Variants in FBXO46 observed in about 807,000 individuals in gnomAD.
FBXO46 encodes F-box protein 46, also known as F-box only protein 46.
A neutral mutation model predicts 30.7 loss-of-function variants in FBXO46; 13 were observed. The observed-to-expected ratio is 0.42, with a 90% CI of 0.28 to 0.67. The LOEUF is 0.67. Among genes scored for constraint, FBXO46 ranks in the 30% least tolerant of loss-of-function variants. FBXO46 has a pLI of 0.21. For synonymous variants in FBXO46, 467 were observed against 385.8 expected (o/e 1.21, Z -2.47); for missense variants, 754 against 871.5 (o/e 0.87, Z 1.70).
intron 1 of FBXO46, among the ~76,000 whole-genome samples, chr19:45,724,025 G>A (rs1165891333): frequency 6.6e-6 from 1 of 152,092 alleles, no homozygotes. Flanking sequence ...ACATGTCACA[G>A]GTTTTGAAAT....
intron 1 of FBXO46, among the ~76,000 whole-genome samples, chr19:45,729,135 A>C (rs760383577): frequency 5.9e-5 from 9 of 151,438 alleles, no homozygotes; most frequent in Non-Finnish European, 1.0e-4. Context: ...AAAACCATAA[A>C]AATAAATATA....
intron 1 of FBXO46, among the ~76,000 whole-genome samples, chr19:45,722,922 C>T (rs1968193284): frequency 6.6e-6 from 1 of 152,022 alleles, no homozygotes; most frequent in Admixed American, 6.6e-5. Context: ...GGCATAGTGA[C>T]AGGCGCCTAT....
upstream of FBXO46, among the ~76,000 whole-genome samples, chr19:45,732,295 A>C (rs1360148138): frequency 3.3e-5 from 5 of 152,076 alleles, no homozygotes; most frequent in Non-Finnish European, 5.9e-5. Flanking sequence ...CAAATTTATA[A>C]GGCAGAAAGA....
Position 45,712,541 on chromosome 19 carries a change from G to T in FBXO46, c.955C>A (p.Leu319Ile). 6.3e-7 allele frequency: 1 copy of T among 1,599,464 alleles called. No homozygotes were observed. Among genetic ancestry groups the T allele is most frequent in the Admixed American group, 1.7e-5 (1 of 58,482 alleles). Reference protein sequence around the residue: ...YQLISPSRDALPSNVEFLLAR... With the variant: ...YQLISPSRDAIPSNVEFLLAR... The stretch of plus-strand genomic sequence containing the variant: ...AGCAGGAACTCCACGTTGCTGGGGA[G>T]GGCATCCCGCGAGGGGCTGATGAGC... The change falls in exon 2 of 2, where the codon CTC becomes ATC. Residue 319 changes from leucine (L) to isoleucine (I), a missense_variant. Leu to Ile is a conservative substitution (Grantham distance 5, BLOSUM62 2). Around this residue, in one of 5 missense-constraint regions of FBXO46, gnomAD observed 454 missense variants for 426.5 expected, o/e 1.06. Transcript: ENST00000317683. The surrounding 1 kb of genome is among the most constrained non-coding windows in gnomAD (Gnocchi z 8.8).
At chr19:45,723,124 G>GCA (rs1283382934) in intron 1 of FBXO46, among the ~76,000 whole-genome samples, 1 of 152,106 alleles carries the variant, frequency 6.6e-6, no homozygotes, top group Middle Eastern at 3.2e-3. Flanking sequence ...CTTAATCCCA[G>GCA]CACTTTGGGG....
In FBXO46 at chr19:45,712,432, G is replaced by A. The variant is rs1159988033; in HGVS notation, c.1064C>T (p.Pro355Leu). 1.2e-6 allele frequency: 2 copies of A among 1,610,394 alleles called. No homozygotes were observed. The highest frequency in any genetic ancestry group is 1.3e-5 in the African/African-American group (1 of 74,932). ...EDTPPAPPPP[P>L]ARDCGASGFH... ...GCCTGACGCTCCGCAGTCCCGGGCA[G>A]GGGGCGGAGGGGGCGCCGGGGGAGT... The change falls in exon 2 of 2, where the codon CCT becomes CTT. Residue 355 changes from proline (P) to leucine (L), a missense_variant. Around this residue, in one of 5 missense-constraint regions of FBXO46, gnomAD observed 454 missense variants for 426.5 expected, o/e 1.06. Transcript: ENST00000317683. This position sits in a 1 kb window ranked among gnomAD's most constrained non-coding sequence, Gnocchi z 8.8.
intron 1 of FBXO46, among the ~76,000 whole-genome samples, chr19:45,721,259 C>A (rs951819638): frequency 1.3e-5 from 2 of 149,536 alleles, no homozygotes; most frequent in Non-Finnish European, 3.0e-5. Context: ...GTGGGAGGAT[C>A]GCTTGAGCCC....
chr19:45,712,173 C>T lies in FBXO46; in HGVS notation c.1323G>A (p.Ala441=), dbSNP rs368643066. 20 of 1,599,094 alleles carry T rather than the reference C, an allele frequency of 1.3e-5. No homozygotes were observed. Among genetic ancestry groups the T allele is most frequent in the East Asian group, 2.3e-5 (1 of 44,228 alleles). Reference sequence around the variant, plus strand: ...GGTACAAGCGGCACAGGGAGGTGTCCGCCGTGCCCTCGGCATCGTCTGGGC... The same window carrying T: ...GGTACAAGCGGCACAGGGAGGTGTCTGCCGTGCCCTCGGCATCGTCTGGGC... ...APGPDDAEGT[A]DTSLCRLYRH... The change falls in exon 2 of 2, where the codon GCG becomes GCA. Residue 441 remains alanine, a synonymous_variant. Transcript: ENST00000317683. This position sits in a 1 kb window ranked among gnomAD's most constrained non-coding sequence, Gnocchi z 8.8.
At chr19:45,715,697 C>T (rs554640723) in intron 1 of FBXO46, 1 of 150,382 alleles carries the variant, frequency 6.6e-6, no homozygotes, top group East Asian at 2.0e-4. Context: ...GTCCCATCTA[C>T]TCAGGAGGCT....
In FBXO46 at chr19:45,713,903, G is replaced by A. The variant is rs1968044709; in HGVS notation, c.-78-330C>T. Among the ~76,000 whole-genome samples, 1 of 150,330 alleles carries A rather than the reference G, an allele frequency of 6.7e-6. No individual in the cohort carries two copies. The highest frequency in any genetic ancestry group is 2.1e-4 in the South Asian group (1 of 4,750). ...GAATCGCTTGAACCTGGGAGGTGGA[G>A]GTTGCAGCGAGACCAGATGGCACCA... On this transcript the variant is annotated intron_variant, in intron 1 of 1. Coordinates refer to ENST00000317683, the MANE Select transcript of FBXO46 (RefSeq NM_001080469.2). The surrounding 1 kb of genome is among the most constrained non-coding windows in gnomAD (Gnocchi z 4.7).
At chr19:45,715,315 G>A (rs994491123) in intron 1 of FBXO46, 2 of 152,196 alleles carry the variant, frequency 1.3e-5, no homozygotes, top group African/African-American at 4.8e-5. Context: ...TGGCCCAGAA[G>A]CCTAATCCAG....
intron 1 of FBXO46, among the ~76,000 whole-genome samples, chr19:45,729,554 G>A (rs1968281837): frequency 6.6e-6 from 1 of 152,224 alleles, no homozygotes. Context: ...ATGGAGAGAG[G>A]ACTAAATTAT....
chr19:45,712,584 G>A lies in FBXO46; in HGVS notation c.912C>T (p.Ile304=), dbSNP rs1472172355. 3 of 1,591,946 alleles carry A rather than the reference G, an allele frequency of 1.9e-6. No individual in the cohort carries two copies. Among genetic ancestry groups the A allele is most frequent in the African/African-American group, 2.7e-5 (2 of 74,476 alleles). ...TGATGAGCTGGTATAAGTCACATGTGATCTTGTCCTTGGCTCGGGCCCCAG... is the reference window on the plus strand; with the variant it reads ...TGATGAGCTGGTATAAGTCACATGTAATCTTGTCCTTGGCTCGGGCCCCAG... The part of the protein sequence containing the change: ...PGPGARAKDK[I]TCDLYQLISP... Residue 304 remains isoleucine, a synonymous_variant, in exon 2 of 2, where the codon ATC becomes ATT. Transcript: ENST00000317683. This position sits in a 1 kb window ranked among gnomAD's most constrained non-coding sequence, Gnocchi z 8.8.
In FBXO46 at chr19:45,712,137, C is replaced by T. The variant is rs192506598; in HGVS notation, c.1359G>A (p.Ser453=). ...TSLCRLYRHV[S]HDFLEIRFKI... is the part of the protein sequence containing the mutation. ...TGAAGCGGATCTCTAGGAAGTCGTG[C>T]GACACGTGCCGGTACAAGCGGCACA... Residue 453 remains serine, a synonymous_variant, in exon 2 of 2, where the codon TCG becomes TCA. Coordinates refer to ENST00000317683, the MANE Select transcript of FBXO46 (RefSeq NM_001080469.2). The surrounding 1 kb of genome is among the most constrained non-coding windows in gnomAD (Gnocchi z 8.8). The T allele has an allele frequency of 1.3e-6, 2 of 1,593,604 alleles. No individual in the cohort carries two copies. Among genetic ancestry groups the T allele is most frequent in the African/African-American group, 1.3e-5 (1 of 74,544 alleles).
intron 1 of FBXO46, among the ~76,000 whole-genome samples, chr19:45,721,372 G>A (rs1019589558): frequency 6.6e-6 from 1 of 151,842 alleles, no homozygotes; most frequent in African/African-American, 2.4e-5. Flanking sequence ...AGAAAGAATG[G>A]AAAAATAATG....
chr19:45,730,114 G>C (rs1360646506), intron 1 of FBXO46, among the ~76,000 whole-genome samples: 1 of 152,126 alleles, frequency 6.6e-6, no homozygotes, highest in African/African-American at 2.4e-5. Context: ...TGGCACAAAG[G>C]GGTGGAAGAA....
intron 1 of FBXO46, among the ~76,000 whole-genome samples, chr19:45,723,024 A>G (rs1233699461): frequency 6.6e-6 from 1 of 152,186 alleles, no homozygotes; most frequent in African/African-American, 2.4e-5. Context: ...ACTGCACTCT[A>G]GACTGGGCTA....
chr19:45,713,427 G>T lies in FBXO46; in HGVS notation c.69C>A (p.Asn23Lys). Residue 23 changes from asparagine to lysine, a missense_variant, in exon 2 of 2, where the codon AAC becomes AAA. Physicochemically the swap from Asn to Lys is moderately conservative, Grantham distance 94. This residue lies in a region of FBXO46 where 97 missense variants were observed against 113.0 expected (regional missense o/e 0.86). Transcript: ENST00000317683. This position sits in a 1 kb window ranked among gnomAD's most constrained non-coding sequence, Gnocchi z 4.7. Reference sequence around the variant, plus strand: ...GGGCCGCAGAAGGCGGGCGTGGCTGGTTCTGTGAGTAGGTGCCAAAGGGCC... The same window carrying T: ...GGGCCGCAGAAGGCGGGCGTGGCTGTTTCTGTGAGTAGGTGCCAAAGGGCC... Reference protein sequence around the residue: ...CPRPFGTYSQNQPRPPSAALK... With the variant: ...CPRPFGTYSQKQPRPPSAALK... 1 of 1,604,684 alleles carries T rather than the reference G, an allele frequency of 6.2e-7. No individual in the cohort carries two copies. Among genetic ancestry groups the T allele is most frequent in the Non-Finnish European group, 8.5e-7 (1 of 1,173,140 alleles).
intron 1 of FBXO46, chr19:45,717,193 C>T (rs988651131): frequency 6.7e-6 from 1 of 148,740 alleles, no homozygotes; most frequent in African/African-American, 2.5e-5. Context: ...CTTGTAACCG[C>T]CCCCCCAAAG....
Sources: allele counts gnomAD v4.1 joint callset (sites outside exome capture counted in the v4.1 genomes callset), GRCh38; gene constraint gnomAD v4.1.1; regional missense constraint gnomAD v4.1.1; non-coding constraint Gnocchi (gnomAD v3.1); transcripts MANE v1.5; gene names NCBI Gene and HGNC (gene_info 2026-07-23, HGNC 2026-07-21).